RFX3: variants seen among roughly 807,000 people sequenced by gnomAD.
The protein encoded by RFX3 is regulatory factor X3.
In RFX3, 14 loss-of-function variants were observed where a neutral mutation model predicts 98.6. The ratio of observed to expected loss-of-function variants is 0.14; its 90% CI spans 0.09 to 0.22. The LOEUF (loss-of-function observed/expected upper bound fraction) is 0.22, where lower values mean the gene tolerates loss of function less well. RFX3 is among the 10% of genes least tolerant of loss of function. The pLI, the probability that RFX3 is intolerant of heterozygous loss-of-function variation, is 1.00. For missense variants in RFX3, 639 were observed against 926.9 expected (o/e 0.69, Z 4.03); for synonymous variants, 383 against 328.4 (o/e 1.17, Z -1.80).
chr9:3,319,262 G>A (rs999355479), intron 4 of RFX3, among the ~76,000 whole-genome samples: 3 of 151,360 alleles, frequency 2.0e-5, no homozygotes, highest in East Asian at 1.9e-4. Flanking sequence ...TGACTGAATC[G>A]AAAGTCATTG....
intron 2 of RFX3, among the ~76,000 whole-genome samples, chr9:3,349,549 T>G (rs1834844584): frequency 6.6e-6 from 1 of 152,062 alleles, no homozygotes; most frequent in Admixed American, 6.6e-5. Context: ...TGACCCTCCT[T>G]TCACCCCTGC....
chr9:3,469,301 C>T (rs566376806), intron 1 of RFX3: 12 of 303,840 alleles, frequency 3.9e-5, no homozygotes, highest in African/African-American at 2.6e-4. Flanking sequence ...ATTTTCTTTA[C>T]CTACCAATCT....
At position 3,225,030 on chromosome 9, in the gene RFX3, CTT is replaced by C; in HGVS notation, c.*10_*11del. On this transcript the variant is annotated 3_prime_UTR_variant, in exon 17 of 17. Transcript: ENST00000617270. ...GGTTAATGTAAGCTGGAAAAATACG[CTT>C]TAATATTCTTTAGACTGCAGTGTAG... 6.2e-7 allele frequency: 1 copy of C among 1,611,762 alleles called. No individual in the cohort carries two copies. The highest frequency in any genetic ancestry group is 8.5e-7 in the Non-Finnish European group (1 of 1,178,322).
At chr9:3,425,329 A>G (rs1445385747) in intron 1 of RFX3, among the ~76,000 whole-genome samples, 1 of 152,234 alleles carries the variant, frequency 6.6e-6, no homozygotes, top group Non-Finnish European at 1.5e-5. Context: ...AAAAGTGTCA[A>G]AGGCCTTGTG....
intron 5 of RFX3, 117 bp from the exon 6 acceptor site, chr9:3,293,375 T>C (rs914729095): frequency 1.5e-6 from 1 of 682,488 alleles, no homozygotes; most frequent in Non-Finnish European, 2.4e-6. Flanking sequence ...AGTCTTATGA[T>C]AGAGTAAACT....
intron 1 of RFX3, among the ~76,000 whole-genome samples, chr9:3,450,323 A>G (rs1167896200): frequency 6.6e-6 from 1 of 152,180 alleles, no homozygotes; most frequent in Non-Finnish European, 1.5e-5. Context: ...TCTCTTTAAA[A>G]CAACATAAAA....
At chr9:3,347,178 G>C (rs1399855754) in intron 2 of RFX3, among the ~76,000 whole-genome samples, 1 of 152,110 alleles carries the variant, frequency 6.6e-6, no homozygotes, top group Non-Finnish European at 1.5e-5. Context: ...AAAGTAAGCT[G>C]GGTGTGGCGG....
chr9:3,374,684 A>C (rs1838251599), intron 2 of RFX3, among the ~76,000 whole-genome samples: 1 of 152,172 alleles, frequency 6.6e-6, no homozygotes, highest in Non-Finnish European at 1.5e-5. Context: ...CAAAATTACA[A>C]CAGCAGTTAC....
chr9:3,273,326 T>C (rs1380380188), intron 9 of RFX3, among the ~76,000 whole-genome samples: 1 of 152,180 alleles, frequency 6.6e-6, no homozygotes, highest in East Asian at 1.9e-4. Context: ...CTGGTAATTC[T>C]GAAATAAATG....
In RFX3 at chr9:3,218,570, A is replaced by G. The variant is rs1817189664; in HGVS notation, c.*6472T>C. On this transcript the variant is annotated 3_prime_UTR_variant, in exon 17 of 17. Coordinates refer to ENST00000617270, the MANE Select transcript of RFX3 (RefSeq NM_001282116.2). ...CCTGCCAATTTTGAGAGGACATGAT[A>G]TACTAAAAGATTTAGCATTTCTCAC... 6.6e-6 allele frequency: 1 copy of G among 152,210 alleles called. No homozygotes were observed. Among genetic ancestry groups the G allele is most frequent in the Non-Finnish European group, 1.5e-5 (1 of 68,020 alleles). The allele number at this position is 152,210 out of a possible 1,614,324, so 9.4% of individuals were successfully genotyped here. A position where few individuals can be genotyped will look rare whatever the true frequency, so the allele number is the denominator to read the frequency against.
chr9:3,342,236 T>A (rs1833968501), intron 3 of RFX3, among the ~76,000 whole-genome samples: 1 of 152,178 alleles, frequency 6.6e-6, no homozygotes, highest in Non-Finnish European at 1.5e-5. Context: ...TATTCTCTGG[T>A]TCTATGCATT....
chr9:3,394,441 A>C (rs1029405986), intron 2 of RFX3, among the ~76,000 whole-genome samples: 1 of 152,182 alleles, frequency 6.6e-6, no homozygotes, highest in Non-Finnish European at 1.5e-5. Context: ...GCAGCCTGGG[A>C]GACAGCGAGA....
At chr9:3,514,385 T>G (rs1419595561) in intron 1 of RFX3, among the ~76,000 whole-genome samples, 1 of 152,212 alleles carries the variant, frequency 6.6e-6, no homozygotes, top group Non-Finnish European at 1.5e-5. Context: ...TAAACTCCAT[T>G]TTTCTTAATA....
chr9:3,322,424 T>C (rs1257564428), intron 4 of RFX3, among the ~76,000 whole-genome samples: 3 of 152,192 alleles, frequency 2.0e-5, no homozygotes, highest in Non-Finnish European at 4.4e-5. Context: ...AGAAAAGCTA[T>C]TGATTTATTT....
chr9:3,233,522 G>C (rs1297837183), intron 15 of RFX3, among the ~76,000 whole-genome samples: 1 of 152,162 alleles, frequency 6.6e-6, no homozygotes, highest in Admixed American at 6.5e-5. Flanking sequence ...CAGCAAACAG[G>C]TGGGGATCCA....
At chr9:3,500,779 C>G (rs893867878) in intron 1 of RFX3, among the ~76,000 whole-genome samples, 3 of 152,162 alleles carry the variant, frequency 2.0e-5, no homozygotes, top group African/African-American at 4.8e-5. Flanking sequence ...GAGGAGTATA[C>G]TAGTCACAAG....
chr9:3,326,171 T>C (rs1831893122), intron 4 of RFX3, among the ~76,000 whole-genome samples: 1 of 152,102 alleles, frequency 6.6e-6, no homozygotes, highest in Non-Finnish European at 1.5e-5. Context: ...TGTATATATC[T>C]ATATACATAT....
chr9:3,386,807 A>T (rs945978934), intron 2 of RFX3, among the ~76,000 whole-genome samples: 4 of 152,206 alleles, frequency 2.6e-5, no homozygotes, highest in African/African-American at 9.6e-5. Flanking sequence ...AATGTAGTAG[A>T]CAAGTACATA....
intron 1 of RFX3, among the ~76,000 whole-genome samples, chr9:3,401,258 T>C (rs937654103): frequency 6.6e-6 from 1 of 152,220 alleles, no homozygotes; most frequent in Admixed American, 6.5e-5. Context: ...TTGAGGAATA[T>C]AACCCTCCCG....
Sources: allele counts gnomAD v4.1 joint callset (sites outside exome capture counted in the v4.1 genomes callset), GRCh38; gene constraint gnomAD v4.1.1; transcripts MANE v1.5; gene names NCBI Gene and HGNC (gene_info 2026-07-23, HGNC 2026-07-21).